Variants in PLCB4 observed in about 807,000 individuals in gnomAD.
PLCB4 encodes phospholipase C beta 4, also known as 1-phosphatidylinositol 4,5-bisphosphate phosphodiesterase beta-4.
In PLCB4, 77 loss-of-function variants were observed where a neutral mutation model predicts 178.8. That is an observed-to-expected ratio of 0.43 (90% CI 0.36 to 0.52). The LOEUF (loss-of-function observed/expected upper bound fraction) is 0.52, where lower values mean the gene tolerates loss of function less well. Ranked by LOEUF, PLCB4 falls within the 20% of genes least tolerant of loss-of-function variation. The probability of loss-of-function intolerance (pLI) is 0.00; values close to 1 mark genes in which losing one functional copy is unlikely to be tolerated. For synonymous variants in PLCB4, 496 were observed against 490.8 expected (o/e 1.01, Z -0.14); for missense variants, 1,024 against 1,453.4 (o/e 0.70, Z 4.80).
At chr20:9,263,349 G>C (rs1222046088) in intron 3 of PLCB4, among the ~76,000 whole-genome samples, 1 of 152,146 alleles carries the variant, frequency 6.6e-6, no homozygotes, top group Non-Finnish European at 1.5e-5. Flanking sequence ...GCAGGTCTGG[G>C]ACAGGGGACA....
intron 28 of PLCB4, among the ~76,000 whole-genome samples, chr20:9,430,760 G>C (rs1293587152): frequency 6.6e-6 from 1 of 152,166 alleles, no homozygotes; most frequent in African/African-American, 2.4e-5. Flanking sequence ...GGTCAGGATT[G>C]TGTAGAATCA....
intron 4 of PLCB4, among the ~76,000 whole-genome samples, chr20:9,314,237 A>C (rs1459579039): frequency 6.6e-6 from 1 of 152,168 alleles, no homozygotes; most frequent in Non-Finnish European, 1.5e-5. Flanking sequence ...AGAAAGCTCT[A>C]GGGAACCTTT....
intron 2 of PLCB4, among the ~76,000 whole-genome samples, chr20:9,200,689 G>T (rs1420983108): frequency 1.3e-5 from 2 of 152,040 alleles, no homozygotes; most frequent in Admixed American, 6.6e-5. Context: ...GCAGAATACA[G>T]CATTCCCCTC....
intron 1 of PLCB4, among the ~76,000 whole-genome samples, chr20:9,075,723 G>A (rs948270336): frequency 3.3e-5 from 5 of 152,264 alleles, no homozygotes; most frequent in Non-Finnish European, 7.3e-5. Flanking sequence ...TTTCTGCCAG[G>A]TGGGCCTAGG....
In PLCB4 at chr20:9,208,330, C is replaced by T. The variant is rs73600225; in HGVS notation, c.-78-9060C>T. Among the ~76,000 whole-genome samples, 143 of 152,264 alleles carry T rather than the reference C, an allele frequency of 9.4e-4. 1 individual carries two copies. The East Asian group carries it at 0.013, about 14-fold the overall frequency. ...TGATGAGATATAATGAGTTAATATA[C>T]ATAAAACACTGAGAGTGGTACCTGG... On this transcript the variant is annotated intron_variant, in intron 2 of 39. Transcript: ENST00000378473.
intron 3 of PLCB4, among the ~76,000 whole-genome samples, chr20:9,237,534 A>G (rs904162714): frequency 4.6e-5 from 7 of 152,122 alleles, no homozygotes; most frequent in African/African-American, 1.7e-4. Context: ...GCTCCACCTG[A>G]TCTACTGCCT....
intron 7 of PLCB4, among the ~76,000 whole-genome samples, chr20:9,357,280 C>T (rs2034920020): frequency 6.6e-6 from 1 of 152,198 alleles, no homozygotes; most frequent in African/African-American, 2.4e-5. Flanking sequence ...CTGCCTATAG[C>T]ATCTTGCATC....
chr20:9,263,378 GTCTTT>G (rs1290701696), intron 3 of PLCB4, among the ~76,000 whole-genome samples: 1 of 152,122 alleles, frequency 6.6e-6, no homozygotes, highest in East Asian at 1.9e-4. Context: ...CACCATCACT[GTCTTT>G]TCTTTTCTAC....
At chr20:9,310,195 G>A in intron 4 of PLCB4, among the ~76,000 whole-genome samples, 1 of 152,240 alleles carries the variant, frequency 6.6e-6, no homozygotes, top group Non-Finnish European at 1.5e-5. Flanking sequence ...AAGCAGAAAA[G>A]GTTCGTTTCT....
intron 2 of PLCB4, among the ~76,000 whole-genome samples, chr20:9,211,461 C>A (rs576581308): frequency 6.6e-6 from 1 of 152,286 alleles, no homozygotes; most frequent in African/African-American, 2.4e-5. Context: ...GACCTACAGT[C>A]AAACAGAATG....
intron 3 of PLCB4, among the ~76,000 whole-genome samples, chr20:9,219,445 G>T (rs2093771755): frequency 6.6e-6 from 1 of 152,156 alleles, no homozygotes; most frequent in Non-Finnish European, 1.5e-5. Context: ...CTCCAGCCTG[G>T]GCAACAGAGG....
chr20:9,458,112 A>G (rs79477004), intron 34 of PLCB4, among the ~76,000 whole-genome samples: 4 of 152,116 alleles, frequency 2.6e-5, no homozygotes, highest in Non-Finnish European at 5.9e-5. Flanking sequence ...GAAAAAAAAA[A>G]CCAACAACAA....
At chr20:9,251,776 TA>T in intron 3 of PLCB4, among the ~76,000 whole-genome samples, 1 of 152,330 alleles carries the variant, frequency 6.6e-6, no homozygotes, top group African/African-American at 2.4e-5. Flanking sequence ...CAATGTTGTT[TA>T]AAAAATACAT....
Position 9,211,099 on chromosome 20 carries a change from G to A in PLCB4, c.-78-6291G>A, listed in dbSNP as rs535771356. ...CACCCACTTTCTTTTTTTAACCTGCGATTCATTCGAGGGCTTTTATGGAAG... is the reference window on the plus strand; with the variant it reads ...CACCCACTTTCTTTTTTTAACCTGCAATTCATTCGAGGGCTTTTATGGAAG... On this transcript the variant is annotated intron_variant, in intron 2 of 39. Coordinates refer to ENST00000378473, the MANE Select transcript of PLCB4 (RefSeq NM_001377142.1). Among the ~76,000 whole-genome samples, 15 of 152,184 alleles carry A rather than the reference G, an allele frequency of 9.9e-5. No homozygotes were observed. In the East Asian group the frequency reaches 2.7e-3, roughly 27 times the overall value.
chr20:9,478,897 A>G (rs1368641716), intron 39 of PLCB4, 24 bp from the exon 40 acceptor site: 3 of 1,582,234 alleles, frequency 1.9e-6, no homozygotes, highest in South Asian at 2.2e-5. Flanking sequence ...CAACACACGT[A>G]AGGCCATGTT....
intron 2 of PLCB4, among the ~76,000 whole-genome samples, chr20:9,126,771 CT>C (rs34634088): frequency 0.21 from 24,704 of 119,636 alleles, 2,483 homozygotes; most frequent in East Asian, 0.52. Context: ...ATTTCATTTG[CT>C]TTTTTTTTTT....
At chr20:9,407,817 TTG>T in intron 21 of PLCB4, 98 bp from the exon 22 acceptor site, 1 of 981,950 alleles carries the variant, frequency 1.0e-6, no homozygotes, top group African/African-American at 1.7e-5. Context: ...ACCTTTCAAT[TTG>T]TGTGTGTGCA....
chr20:9,261,524 A>C (rs1192099026), intron 3 of PLCB4, among the ~76,000 whole-genome samples: 2 of 152,212 alleles, frequency 1.3e-5, no homozygotes, highest in African/African-American at 4.8e-5. Flanking sequence ...CTTCATAAGC[A>C]TAGTTTTAAT....
intron 2 of PLCB4, among the ~76,000 whole-genome samples, chr20:9,176,561 A>G (rs146985099): frequency 6.6e-4 from 100 of 152,348 alleles, no homozygotes; most frequent in African/African-American, 2.2e-3. Flanking sequence ...TATTTACATT[A>G]TGCACACATA....
Sources: gnomAD v4.1 joint callset for allele counts (sites outside exome capture counted in the v4.1 genomes callset) on GRCh38, gnomAD v4.1.1 for gene constraint, MANE v1.5 for transcripts, NCBI Gene and HGNC (gene_info 2026-07-23, HGNC 2026-07-21) for gene names.